EIF4E: variants seen among roughly 807,000 people sequenced by gnomAD.
EIF4E encodes eukaryotic translation initiation factor 4E, also known as eIF-4F 25 kDa subunit.
For missense variants in EIF4E, 113 were observed against 265.6 expected, an observed-to-expected ratio of 0.43 and a Z score of 3.99; for synonymous variants, 71 against 88.5, an observed-to-expected ratio of 0.80 and a Z score of 1.11.
intron 2 of EIF4E, among the ~76,000 whole-genome samples, chr4:98,897,908 C>T (rs901156862): frequency 3.3e-5 from 5 of 152,154 alleles, no homozygotes; most frequent in African/African-American, 1.2e-4. Flanking sequence ...CTGCATAACT[C>T]ACTGAACCAT....
rs777335682 is a variant in EIF4E at position 98,884,912 on chromosome 4, C to T, written c.539+10G>A. The T allele has an allele frequency of 6.2e-6, 10 of 1,611,742 alleles. No individual in the cohort carries two copies. The South Asian group carries it at 9.9e-5, about 16-fold the overall frequency. On this transcript the variant is annotated intron_variant, in intron 6 of 6. Coordinates refer to ENST00000450253, the MANE Select transcript of EIF4E (RefSeq NM_001968.5). ...TACTGTAAAATAAGTAGGCAAAGAG[C>T]AAAACTTACCCTATATGTGTAACAG...
At chr4:98,888,808 T>G (rs1410516798) in intron 3 of EIF4E, among the ~76,000 whole-genome samples, 1 of 152,200 alleles carries the variant, frequency 6.6e-6, no homozygotes. Flanking sequence ...TGGATGATTC[T>G]ACTATCCTTA....
At chr4:98,903,452 T>C (rs574683810) in intron 1 of EIF4E, 10 of 455,862 alleles carry the variant, frequency 2.2e-5, no homozygotes, top group African/African-American at 1.0e-4. Context: ...AGCAATCTTC[T>C]TGCCTCAGCT....
At chr4:98,892,330 A>C (rs1187084984) in intron 2 of EIF4E, among the ~76,000 whole-genome samples, 4 of 149,660 alleles carry the variant, frequency 2.7e-5, no homozygotes, top group African/African-American at 9.9e-5. Flanking sequence ...TCAAAAAACA[A>C]AAAAACAAAC....
At position 98,888,089 on chromosome 4, in the gene EIF4E, T is replaced by C. The variant is rs1159690787; in HGVS notation, c.222-137A>G. The C allele has an allele frequency of 1.9e-5, 14 of 748,804 alleles. No homozygotes were observed. In the East Asian group the frequency reaches 4.0e-4, roughly 21 times the overall value. The allele number at this position is 748,804 out of a possible 1,614,324, so 46.4% of individuals were successfully genotyped here. A position where few individuals can be genotyped will look rare whatever the true frequency, so the allele number is the denominator to read the frequency against. On this transcript the variant is annotated intron_variant, in intron 3 of 6. Transcript: ENST00000450253. ...TGTTTACTTGTTTCTAAGGAGTCAA[T>C]TTCTAAAATGGACAAAACAGATCTT...
chr4:98,912,269 A>G (rs138864190), intron 1 of EIF4E, among the ~76,000 whole-genome samples: 1,739 of 151,114 alleles, frequency 0.012, 11 homozygotes, highest in Non-Finnish European at 0.02. Context: ...AAAAAAGAAG[A>G]AAAAGAAAAA....
rs1156643197 is a variant in EIF4E at position 98,880,138 on chromosome 4, T to C, written c.*890A>G. 6.6e-6 allele frequency: 1 copy of C among 152,406 alleles called. No homozygotes were observed. Among genetic ancestry groups the C allele is most frequent in the Admixed American group, 6.6e-5 (1 of 15,260 alleles). The allele number at this position is 152,406 out of a possible 1,614,324, so 9.4% of individuals were successfully genotyped here. A position where few individuals can be genotyped will look rare whatever the true frequency, so the allele number is the denominator to read the frequency against. On this transcript the variant is annotated 3_prime_UTR_variant, in exon 7 of 7. Transcript: ENST00000450253. ...ATATGAATGGGACTGCTTTTCTACT[T>C]GAGCCATTTTTAACCAAAGCAAAAT...
chr4:98,911,205 C>A (rs548589822), intron 1 of EIF4E, among the ~76,000 whole-genome samples: 26 of 151,836 alleles, frequency 1.7e-4, no homozygotes, highest in Non-Finnish European at 3.5e-4. Flanking sequence ...CCTGCCACCA[C>A]GCCCGGCTAA....
At chr4:98,903,263 G>T (rs1724725026) in intron 1 of EIF4E, among the ~76,000 whole-genome samples, 1 of 151,784 alleles carries the variant, frequency 6.6e-6, no homozygotes, top group African/African-American at 2.4e-5. Flanking sequence ...AAACAACAGA[G>T]ATCTATGTTA....
At chr4:98,891,066 GTAAAAC>G (rs1447888833) in intron 3 of EIF4E, among the ~76,000 whole-genome samples, 165 bp downstream of exon 3, 1 of 152,128 alleles carries the variant, frequency 6.6e-6, no homozygotes, top group Non-Finnish European at 1.5e-5. Flanking sequence ...TTGAAGCTCT[GTAAAAC>G]TAATAAAGCA....
Position 98,887,152 on chromosome 4 carries a change from C to T in EIF4E, c.326G>A (p.Arg109Gln), listed in dbSNP as rs758100407. The change falls in exon 5 of 7, where the codon CGG (arginine) becomes CAG (glutamine). Residue 109 changes from arginine to glutamine, a missense_variant. Transcript: ENST00000450253. This position sits in a 1 kb window ranked among gnomAD's most constrained non-coding sequence, Gnocchi z 4.0. ...EPMWEDEKNK[R>Q]GGRWLITLNK... ...CAATGTAATTAGCCATCGTCCTCCC[C>T]GTTTGTTTTTCTCATCTTCCCACAT... is the stretch of plus-strand genomic sequence containing the variant. The T allele has an allele frequency of 9.9e-6, 16 of 1,613,914 alleles. No individual in the cohort carries two copies. Among genetic ancestry groups the T allele is most frequent in the Admixed American group, 3.3e-5 (2 of 60,008 alleles).
At chr4:98,894,620 T>C (rs541951757) in intron 2 of EIF4E, among the ~76,000 whole-genome samples, 4 of 152,232 alleles carry the variant, frequency 2.6e-5, no homozygotes, top group Non-Finnish European at 5.9e-5. Context: ...TTGCTATGGA[T>C]TAGGCTTTGT....
chr4:98,914,955 A>G (rs1356279688), intron 1 of EIF4E, among the ~76,000 whole-genome samples: 2 of 152,120 alleles, frequency 1.3e-5, no homozygotes, highest in African/African-American at 2.4e-5. Flanking sequence ...TTAAGTAGTT[A>G]GTTTTTGAGA....
chr4:98,889,606 G>T (rs1724067484), intron 3 of EIF4E, among the ~76,000 whole-genome samples: 1 of 152,086 alleles, frequency 6.6e-6, no homozygotes, highest in South Asian at 2.1e-4. Context: ...TTAGGAAGTG[G>T]CCCACACATT....
intron 1 of EIF4E, among the ~76,000 whole-genome samples, chr4:98,927,356 T>C (rs2110231658): frequency 6.6e-6 from 1 of 152,242 alleles, no homozygotes; most frequent in South Asian, 2.1e-4. Flanking sequence ...GAAATAGTTT[T>C]ATAAAAGTCT....
At chr4:98,926,617 A>C (rs957674642) in intron 1 of EIF4E, 4 of 152,200 alleles carry the variant, frequency 2.6e-5, no homozygotes, top group Non-Finnish European at 5.9e-5. Context: ...AAAATACTTT[A>C]GTTTCCAGCT....
chr4:98,887,339 T>TA lies in EIF4E; in HGVS notation c.286-148dup. 1 of 830,356 alleles carries TA rather than the reference T, an allele frequency of 1.2e-6. No individual in the cohort carries two copies. Among genetic ancestry groups the TA allele is most frequent in the South Asian group, 1.4e-5 (1 of 71,726 alleles). The allele number at this position is 830,356 out of a possible 1,614,324, so 51.4% of individuals were successfully genotyped here. ...ATTGATGTAGTTTTTAAACAGCACA[T>TA]AAGACTTAAAGCCAGAGGCATGACA... On this transcript the variant is annotated intron_variant, in intron 4 of 6. Coordinates refer to ENST00000450253, the MANE Select transcript of EIF4E (RefSeq NM_001968.5). The surrounding 1 kb of genome is among the most constrained non-coding windows in gnomAD (Gnocchi z 4.0).
chr4:98,918,073 T>A (rs192290571), intron 1 of EIF4E, among the ~76,000 whole-genome samples: 1,641 of 148,234 alleles, frequency 0.011, 15 homozygotes, highest in Middle Eastern at 0.022. Context: ...CTCAAAAAAA[T>A]TTTTTTTTGC....
At position 98,887,063 on chromosome 4, in the gene EIF4E, A is replaced by C; in HGVS notation, c.399+16T>G. The stretch of plus-strand genomic sequence containing the variant: ...AAAACTACCTCTAAAACTGCTTTAT[A>C]CTTTTAAAACCTTACTGTCTCTAGC... On this transcript the variant is annotated intron_variant, in intron 5 of 6. Coordinates refer to ENST00000450253, the MANE Select transcript of EIF4E (RefSeq NM_001968.5). The surrounding 1 kb of genome is among the most constrained non-coding windows in gnomAD (Gnocchi z 4.0). 1 of 1,611,276 alleles carries C rather than the reference A, an allele frequency of 6.2e-7. No homozygotes were observed. The highest frequency in any genetic ancestry group is 8.5e-7 in the Non-Finnish European group (1 of 1,178,826).
Sources: allele counts gnomAD v4.1 joint callset (sites outside exome capture counted in the v4.1 genomes callset), GRCh38; gene constraint gnomAD v4.1.1; non-coding constraint Gnocchi (gnomAD v3.1); transcripts MANE v1.5; gene names NCBI Gene and HGNC (gene_info 2026-07-23, HGNC 2026-07-21).